The following LMBR1 variants were observed in gnomAD, a reference collection of about 807,000 sequenced individuals.
LMBR1 encodes the protein limb region 1 protein homolog.
Under a neutral mutation model 73.9 loss-of-function variants are expected in LMBR1, and 52 were observed. The observed-to-expected ratio is 0.70, with a 90% CI of 0.56 to 0.89. The LOEUF is 0.89. LMBR1 is among the 40% of genes least tolerant of loss of function. LMBR1 has a pLI of 0.00. For synonymous variants in LMBR1, 215 were observed against 209.4 expected (o/e 1.03, Z -0.23); for missense variants, 539 against 579.8 (o/e 0.93, Z 0.72).
rs373382308 is a variant in LMBR1, at chr7:156,797,176, C to G, written c.320-684G>C. On this transcript the variant is annotated intron_variant, in intron 4 of 16. Transcript: ENST00000353442. The stretch of plus-strand genomic sequence containing the variant: ...ATTCCAAGTGGGAAAGAAAAAGTCA[C>G]AGAGACTGGCAATCTTAAGTGACCT... Among the ~76,000 whole-genome samples the G allele has an allele frequency of 1.4e-4, 21 of 152,292 alleles. No homozygotes were observed. The East Asian group carries it at 2.9e-3, about 21-fold the overall frequency.
chr7:156,771,490 A>G (rs1256824165), intron 5 of LMBR1, among the ~76,000 whole-genome samples: 3 of 152,170 alleles, frequency 2.0e-5, no homozygotes, highest in African/African-American at 7.2e-5. Context: ...ATGGATAAAC[A>G]TACAAACATT....
At chr7:156,737,906 T>G (rs1478095726) in intron 9 of LMBR1, among the ~76,000 whole-genome samples, 2 of 152,098 alleles carry the variant, frequency 1.3e-5, no homozygotes, top group Non-Finnish European at 2.9e-5. Flanking sequence ...ACTGAAGCAG[T>G]AGGAGGGCGG....
chr7:156,753,908 C>T (rs575299840), intron 9 of LMBR1, among the ~76,000 whole-genome samples: 1 of 152,288 alleles, frequency 6.6e-6, no homozygotes, highest in African/African-American at 2.4e-5. Context: ...TCCTTCCTCT[C>T]TATTCCTTTT....
At chr7:156,892,799 A>G in intron 1 of LMBR1, 129 bp downstream of exon 1, 1 of 391,302 alleles carries the variant, frequency 2.6e-6, no homozygotes, top group Non-Finnish European at 4.0e-6. Context: ...GGAGAGCGGC[A>G]GAGGCCGGGG....
At chr7:156,857,254 A>G (rs931821732) in intron 1 of LMBR1, among the ~76,000 whole-genome samples, 5 of 152,244 alleles carry the variant, frequency 3.3e-5, no homozygotes, top group African/African-American at 9.6e-5. Context: ...TGTCTATAAA[A>G]AAGTATTTTA....
intron 1 of LMBR1, among the ~76,000 whole-genome samples, chr7:156,841,416 C>T (rs944502704): frequency 7.2e-5 from 11 of 151,986 alleles, no homozygotes; most frequent in Non-Finnish European, 5.9e-5. Context: ...TGAGACTAGA[C>T]GAGATTTCCA....
At chr7:156,797,293 C>T (rs1218848890) in intron 4 of LMBR1, among the ~76,000 whole-genome samples, 1 of 151,832 alleles carries the variant, frequency 6.6e-6, no homozygotes, top group Non-Finnish European at 1.5e-5. Context: ...GGGTATTTGG[C>T]CCAACATGTC....
chr7:156,763,907 T>C (rs1453357474), intron 5 of LMBR1, 112 bp from the exon 6 acceptor site: 2 of 800,918 alleles, frequency 2.5e-6, no homozygotes, highest in Non-Finnish European at 3.6e-6. Context: ...AGGAAATTTA[T>C]ATTTATTAAA....
chr7:156,798,689 T>TA (rs1356993489), intron 4 of LMBR1, among the ~76,000 whole-genome samples: 1 of 152,172 alleles, frequency 6.6e-6, no homozygotes, highest in Non-Finnish European at 1.5e-5. Context: ...TAGTATTATG[T>TA]AAATTACATT....
chr7:156,731,789 C>T (rs1444852127), intron 10 of LMBR1, among the ~76,000 whole-genome samples: 1 of 151,898 alleles, frequency 6.6e-6, no homozygotes, highest in African/African-American at 2.4e-5. Context: ...TTTTAAAGTC[C>T]AACATTGTCA....
chr7:156,674,130 AC>A (rs1803258823), downstream of LMBR1, among the ~76,000 whole-genome samples: 1 of 152,112 alleles, frequency 6.6e-6, no homozygotes, highest in African/African-American at 2.4e-5. Context: ...TGGACAAATA[AC>A]CCCCCGAATT....
chr7:156,838,792 A>G (rs1038187114), intron 1 of LMBR1, among the ~76,000 whole-genome samples: 2 of 152,080 alleles, frequency 1.3e-5, no homozygotes, highest in Admixed American at 6.5e-5. Context: ...AGGAATCCCC[A>G]CACTGTTTTT....
In LMBR1 at chr7:156,680,494, A is replaced by G. The variant is rs1585160454; in HGVS notation, c.*3584T>C. 1 of 152,350 alleles carries G rather than the reference A, an allele frequency of 6.6e-6. No individual in the cohort carries two copies. Among genetic ancestry groups the G allele is most frequent in the African/African-American group, 2.4e-5 (1 of 41,542 alleles). The allele number at this position is 152,350 out of a possible 1,614,324, so 9.4% of individuals were successfully genotyped here. A position where few individuals can be genotyped will look rare whatever the true frequency, so the allele number is the denominator to read the frequency against. On this transcript the variant is annotated 3_prime_UTR_variant, in exon 17 of 17. Transcript: ENST00000353442. ...TAAGTAGGCTTCTGTCTGCCAGTAA[A>G]TTAACCAGATGCTAACAGCATTTAT...
intron 9 of LMBR1, among the ~76,000 whole-genome samples, chr7:156,741,504 T>A (rs1818888224): frequency 6.6e-6 from 1 of 152,174 alleles, no homozygotes; most frequent in East Asian, 1.9e-4. Context: ...GGAGTAGCTA[T>A]ACTTATATCA....
intron 15 of LMBR1, among the ~76,000 whole-genome samples, chr7:156,704,012 A>T (rs1810365734): frequency 6.6e-6 from 1 of 152,210 alleles, no homozygotes; most frequent in East Asian, 1.9e-4. Context: ...AAACTAGAAG[A>T]TCATTGCACA....
intron 2 of LMBR1, 99 bp from the exon 3 acceptor site, chr7:156,833,891 T>C: frequency 1.3e-6 from 1 of 756,620 alleles, no homozygotes; most frequent in Non-Finnish European, 2.1e-6. Context: ...TAAAAGGCAA[T>C]TATTGAACAG....
chr7:156,692,543 C>T (rs1225051748), intron 15 of LMBR1, among the ~76,000 whole-genome samples: 2 of 152,172 alleles, frequency 1.3e-5, no homozygotes, highest in Admixed American at 1.3e-4. Context: ...TATGAAACAA[C>T]AGTTTTCAAG....
intron 5 of LMBR1, among the ~76,000 whole-genome samples, chr7:156,768,205 C>T (rs62492661): frequency 0.19 from 28,502 of 151,638 alleles, 2,793 homozygotes; most frequent in South Asian, 0.21. Flanking sequence ...GGTGAAAGCC[C>T]GTCTCTACTA....
chr7:156,859,967 G>C (rs955676073), intron 1 of LMBR1, among the ~76,000 whole-genome samples: 1 of 152,164 alleles, frequency 6.6e-6, no homozygotes, highest in African/African-American at 2.4e-5. Context: ...ACAGAATAGA[G>C]AGTTGATAAA....
Sources: allele counts gnomAD v4.1 joint callset (sites outside exome capture counted in the v4.1 genomes callset), GRCh38; gene constraint gnomAD v4.1.1; transcripts MANE v1.5; gene names NCBI Gene and HGNC (gene_info 2026-07-23, HGNC 2026-07-21).